Variants in RNF121 observed in about 807,000 individuals in gnomAD.
The protein encoded by RNF121 is E3 ubiquitin ligase RNF121.
In RNF121, 21 loss-of-function variants were observed where a neutral mutation model predicts 46.5. The observed-to-expected ratio is 0.45, with a 90% confidence interval of 0.32 to 0.65. The LOEUF is 0.65. Among genes scored for constraint, RNF121 ranks in the 30% least tolerant of loss-of-function variants. The pLI is 0.04. For missense variants in RNF121, 346 were observed against 416.0 expected, an observed-to-expected ratio of 0.83 and a Z score of 1.46; for synonymous variants, 139 against 144.7, an observed-to-expected ratio of 0.96 and a Z score of 0.28.
chr11:71,972,560 G>T (rs1006554947), intron 3 of RNF121, among the ~76,000 whole-genome samples: 21 of 151,896 alleles, frequency 1.4e-4, no homozygotes, highest in Non-Finnish European at 2.9e-4. Context: ...CTCAACAGAG[G>T]AACTGTTGGC....
chr11:71,934,938 ATT>A (rs35794524), intron 1 of RNF121, among the ~76,000 whole-genome samples: 121,324 of 144,978 alleles, frequency 0.84, 51,918 homozygotes, highest in Non-Finnish European at 0.94. Context: ...TTCCAAATGC[ATT>A]CTTTTTTTTT....
intron 1 of RNF121, among the ~76,000 whole-genome samples, chr11:71,930,758 A>G (rs975076599): frequency 1.3e-5 from 2 of 152,262 alleles, no homozygotes; most frequent in African/African-American, 2.4e-5. Context: ...AATTACGTAT[A>G]TCTCAAAGCT....
chr11:71,996,104 A>G, intron 8 of RNF121, 91 bp from the exon 9 acceptor site: 1 of 1,477,468 alleles, frequency 6.8e-7, no homozygotes, highest in Non-Finnish European at 9.3e-7. Context: ...AGCAGCTGGA[A>G]AGTGGGGCAG....
intron 3 of RNF121, among the ~76,000 whole-genome samples, chr11:71,976,345 C>CTTTTT (rs35710756): frequency 1.3e-4 from 6 of 46,078 alleles, no homozygotes; most frequent in Non-Finnish European, 1.5e-4. Context: ...TGGGTATATT[C>CTTTTT]TTTTTTTTTT....
At chr11:71,971,605 CA>C (rs1255389595) in intron 3 of RNF121, among the ~76,000 whole-genome samples, 3 of 151,604 alleles carry the variant, frequency 2.0e-5, no homozygotes. Flanking sequence ...ACAGCAACTC[CA>C]ATAGAAAAAC....
At chr11:71,959,575 T>C (rs912913159) in intron 2 of RNF121, among the ~76,000 whole-genome samples, 12 of 152,128 alleles carry the variant, frequency 7.9e-5, no homozygotes, top group African/African-American at 2.9e-4. Context: ...AATTTGCCCT[T>C]TCCCACACAT....
intron 1 of RNF121, among the ~76,000 whole-genome samples, chr11:71,940,147 C>T (rs1953531694): frequency 6.6e-6 from 1 of 152,144 alleles, no homozygotes; most frequent in Non-Finnish European, 1.5e-5. Context: ...GCATATGATT[C>T]CTCACTAATG....
intron 1 of RNF121, among the ~76,000 whole-genome samples, chr11:71,948,936 A>T (rs1340908545): frequency 4.4e-5 from 1 of 22,948 alleles, no homozygotes; most frequent in East Asian, 6.7e-4. Context: ...GTTGTGCTGA[A>T]CCTACCAGGT....
At chr11:71,963,782 G>C (rs962892248) in intron 3 of RNF121, among the ~76,000 whole-genome samples, 1 of 152,140 alleles carries the variant, frequency 6.6e-6, no homozygotes, top group Admixed American at 6.5e-5. Context: ...TCCATTGGAT[G>C]GTCGTGGCAT....
Position 71,994,760 on chromosome 11 carries a change from CAG to C in RNF121, c.670_671del (p.Ser224CysfsTer15). On this transcript the variant is annotated frameshift_variant, in exon 7 of 9. Coordinates refer to ENST00000361756, the MANE Select transcript of RNF121 (RefSeq NM_018320.5). LOFTEE classifies it high-confidence loss of function. ...GCATGCCTACCAAACATCTTTCAGA[CAG>C]TGTGTGTGCTGTGTGTGGGCAGCAG... Reference protein sequence around the residue: ...SGMPTKHLSDSVCAVCGQQIF... With the variant: ...SGMPTKHLSDXVCAVCGQQIF... The C allele has an allele frequency of 6.2e-7, 1 of 1,614,154 alleles. No individual in the cohort carries two copies. The highest frequency in any genetic ancestry group is 8.5e-7 in the Non-Finnish European group (1 of 1,180,024).
At chr11:71,963,593 C>A (rs564213827) in intron 3 of RNF121, among the ~76,000 whole-genome samples, 2 of 152,162 alleles carry the variant, frequency 1.3e-5, no homozygotes, top group South Asian at 4.1e-4. Flanking sequence ...GCACCCCAGC[C>A]TGATAACAGA....
At chr11:71,939,884 G>C (rs1953524435) in intron 1 of RNF121, among the ~76,000 whole-genome samples, 1 of 152,232 alleles carries the variant, frequency 6.6e-6, no homozygotes, top group Admixed American at 6.5e-5. Context: ...TTATGGTCTA[G>C]TTGGGAGAGG....
intron 3 of RNF121, among the ~76,000 whole-genome samples, chr11:71,964,755 A>C (rs1484368976): frequency 1.3e-5 from 2 of 152,198 alleles, no homozygotes; most frequent in African/African-American, 4.8e-5. Flanking sequence ...TTGGGATTAC[A>C]GGCGTGAGCC....
intron 3 of RNF121, among the ~76,000 whole-genome samples, chr11:71,974,288 A>G (rs1285179953): frequency 2.6e-5 from 4 of 152,176 alleles, no homozygotes; most frequent in Non-Finnish European, 2.9e-5. Flanking sequence ...AATTTTAGAT[A>G]CTGTTCTTTT....
intron 1 of RNF121, among the ~76,000 whole-genome samples, chr11:71,950,261 A>G (rs564733939): frequency 1.9e-4 from 29 of 152,058 alleles, no homozygotes; most frequent in Admixed American, 5.9e-4. Flanking sequence ...GATATTTTTG[A>G]TGTATGCATA....
rs71958930 is a variant in RNF121, at chr11:71,938,314, A to ATTTTTTT, written c.63+9207_63+9213dup. Among the ~76,000 whole-genome samples the ATTTTTTT allele has an allele frequency of 4.0e-4, 38 of 94,904 alleles. 1 individual carries two copies. The highest frequency in any genetic ancestry group is 6.4e-4 in the East Asian group (2 of 3,110). The allele number at this position is 94,904 out of a possible 152,430, so 62.3% of individuals were successfully genotyped here. ...AGCATTTTACGTGTGTAGTCTCTTA[A>ATTTTTTT]TTTTTTTTTTTTTTTTTTTTTTTGA... On this transcript the variant is annotated intron_variant, in intron 1 of 8. Coordinates refer to ENST00000361756, the MANE Select transcript of RNF121 (RefSeq NM_018320.5).
At chr11:71,969,409 A>C (rs1954370918) in intron 3 of RNF121, among the ~76,000 whole-genome samples, 1 of 152,216 alleles carries the variant, frequency 6.6e-6, no homozygotes, top group African/African-American at 2.4e-5. Flanking sequence ...TATTGAGTGC[A>C]AAAGAAGAGT....
intron 1 of RNF121, among the ~76,000 whole-genome samples, chr11:71,931,867 T>TA (rs1953284803): frequency 6.6e-6 from 1 of 152,202 alleles, no homozygotes; most frequent in Admixed American, 6.5e-5. Context: ...GTTTTATTGA[T>TA]AGACTCTAAT....
chr11:71,977,772 GA>G (rs1426402176), intron 3 of RNF121, among the ~76,000 whole-genome samples: 1 of 152,136 alleles, frequency 6.6e-6, no homozygotes, highest in African/African-American at 2.4e-5. Flanking sequence ...TCTTTCCACT[GA>G]ATTCCCATGT....
Sources: allele counts gnomAD v4.1 joint callset (sites outside exome capture counted in the v4.1 genomes callset), GRCh38; gene constraint gnomAD v4.1.1; transcripts MANE v1.5; gene names NCBI Gene and HGNC (gene_info 2026-07-23, HGNC 2026-07-21).